Variants in ALKBH5 observed in about 807,000 individuals in gnomAD.
ALKBH5 encodes RNA demethylase ALKBH5.
In ALKBH5, 2 loss-of-function variants were observed where a neutral mutation model predicts 32.1. That is an observed-to-expected ratio of 0.06 (90% CI 0.03 to 0.20). The LOEUF (loss-of-function observed/expected upper bound fraction) is 0.20. Among genes scored for constraint, ALKBH5 ranks in the 10% least tolerant of loss-of-function variants. ALKBH5 has a pLI of 1.00. For synonymous variants in ALKBH5, 300 were observed against 231.7 expected (o/e 1.29, Z -2.68); for missense variants, 352 against 559.5 (o/e 0.63, Z 3.74).
chr17:18,200,333 G>C (rs536634053), intron 2 of ALKBH5, among the ~76,000 whole-genome samples: 1 of 151,994 alleles, frequency 6.6e-6, no homozygotes, highest in African/African-American at 2.4e-5. Context: ...ATGGGTCTTC[G>C]GGGCCTTGAG....
chr17:18,184,626 C>T lies in ALKBH5; in HGVS notation c.383C>T (p.Pro128Leu). 6.2e-7 allele frequency: 1 copy of T among 1,613,236 alleles called. No individual in the cohort carries two copies. The highest frequency in any genetic ancestry group is 8.5e-7 in the Non-Finnish European group (1 of 1,179,996). ...AACGAGCACACGGTGGACCGGGCCC[C>T]ACTGCGCAACAAGTACTTCTTCGGC... ...LYNEHTVDRA[P>L]LRNKYFFGEG... The change falls in exon 1 of 4, where the codon CCA becomes CTA. Residue 128 changes from proline to leucine, a missense_variant. Pro to Leu is a moderately conservative substitution (Grantham distance 98). Transcript: ENST00000399138.
intron 2 of ALKBH5, among the ~76,000 whole-genome samples, chr17:18,197,161 A>G (rs1371811750): frequency 2.0e-5 from 3 of 152,224 alleles, no homozygotes; most frequent in African/African-American, 4.8e-5. Context: ...GGACAGTCCT[A>G]TGGTACAGGC....
chr17:18,202,655 CAG>C (rs1409778966), intron 2 of ALKBH5, among the ~76,000 whole-genome samples: 1 of 152,116 alleles, frequency 6.6e-6, no homozygotes, highest in East Asian at 1.9e-4. Context: ...GCCCTCGCTC[CAG>C]AGTCATCGTG....
At chr17:18,199,438 C>G (rs563452182) in intron 2 of ALKBH5, among the ~76,000 whole-genome samples, 2 of 152,314 alleles carry the variant, frequency 1.3e-5, no homozygotes, top group South Asian at 4.1e-4. Context: ...CCATGATTCC[C>G]TAGTGCTCCT....
chr17:18,199,842 A>G (rs1281843894), intron 2 of ALKBH5, among the ~76,000 whole-genome samples: 1 of 152,128 alleles, frequency 6.6e-6, no homozygotes, highest in African/African-American at 2.4e-5. Context: ...GTGGTGGCTC[A>G]CACCTGTAAT....
chr17:18,191,599 A>G (rs2047175355), intron 1 of ALKBH5, among the ~76,000 whole-genome samples: 1 of 152,184 alleles, frequency 6.6e-6, no homozygotes, highest in African/African-American at 2.4e-5. Flanking sequence ...CATATAGCCA[A>G]GTCAAACAGA....
chr17:18,186,974 G>A (rs1567673499), intron 1 of ALKBH5, among the ~76,000 whole-genome samples: 3 of 152,104 alleles, frequency 2.0e-5, no homozygotes, highest in Non-Finnish European at 4.4e-5. Context: ...CACAGGGTAG[G>A]TACTTAAATG....
chr17:18,196,800 C>A (rs2047206847), intron 2 of ALKBH5, among the ~76,000 whole-genome samples: 1 of 152,200 alleles, frequency 6.6e-6, no homozygotes, highest in African/African-American at 2.4e-5. Context: ...TTAGCACCAT[C>A]TCCTTGAGGG....
chr17:18,206,688 A>T, intron 2 of ALKBH5, 127 bp from the exon 3 acceptor site: 2 of 1,004,126 alleles, frequency 2.0e-6, no homozygotes, highest in Non-Finnish European at 3.0e-6. Context: ...AGAGTGAGGT[A>T]CAGAGCAGAG....
At chr17:18,204,211 G>A (rs11655731) in intron 2 of ALKBH5, among the ~76,000 whole-genome samples, 3 of 152,118 alleles carry the variant, frequency 2.0e-5, no homozygotes, top group African/African-American at 7.2e-5. Flanking sequence ...CAGCACTTTG[G>A]GAAGCCAGGA....
Position 18,184,783 on chromosome 17 carries a change from C to A in ALKBH5, c.540C>A (p.Arg180=). The A allele has an allele frequency of 1.9e-6, 3 of 1,613,968 alleles. No homozygotes were observed. Among genetic ancestry groups the A allele is most frequent in the Non-Finnish European group, 2.5e-6 (3 of 1,179,974 alleles). ...QLVIQKLVEH[R]VIPEGFVNSA... ...TGATCCAAAAGCTGGTGGAGCACCG[C>A]GTCATCCCCGAGGGCTTCGTCAACA... The change falls in exon 1 of 4, where the codon CGC becomes CGA. Residue 180 remains arginine (R), a synonymous_variant. Transcript: ENST00000399138.
At chr17:18,201,781 AGATAG>A (rs1454638891) in intron 2 of ALKBH5, among the ~76,000 whole-genome samples, 5 of 106,048 alleles carry the variant, frequency 4.7e-5, no homozygotes, top group South Asian at 3.3e-4. Context: ...ATAGATAGAT[AGATAG>A]GATAGATAAG....
chr17:18,192,231 G>C (rs1241614894), intron 1 of ALKBH5, among the ~76,000 whole-genome samples: 1 of 152,204 alleles, frequency 6.6e-6, no homozygotes, highest in Non-Finnish European at 1.5e-5. Context: ...ACTTTTGTCA[G>C]AGTGCTTAGT....
At position 18,208,656 on chromosome 17, in the gene ALKBH5, G is replaced by T. The variant is rs931103262; in HGVS notation, c.*260G>T. ...TCAATAGGGGACAGAGGCTGATGCT[G>T]GAGTGGCCAGTAGAGGTGGTGGAGC... On this transcript the variant is annotated 3_prime_UTR_variant, in exon 4 of 4. Coordinates refer to ENST00000399138, the MANE Select transcript of ALKBH5 (RefSeq NM_017758.4). 5.1e-6 allele frequency: 3 copies of T among 590,594 alleles called. No homozygotes were observed. The African/African-American group carries it at 5.6e-5, about 11-fold the overall frequency. The allele number at this position is 590,594 out of a possible 1,614,324, so 36.6% of individuals were successfully genotyped here. A position where few individuals can be genotyped will look rare whatever the true frequency, so the allele number is the denominator to read the frequency against.
chr17:18,187,719 C>T (rs768719955), intron 1 of ALKBH5, among the ~76,000 whole-genome samples: 2 of 152,134 alleles, frequency 1.3e-5, no homozygotes, highest in African/African-American at 2.4e-5. Flanking sequence ...TCAAATCCTG[C>T]ATATAAACTG....
At chr17:18,197,094 AAGTCAAAACTTTT>A (rs1254611455) in intron 2 of ALKBH5, among the ~76,000 whole-genome samples, 3 of 152,190 alleles carry the variant, frequency 2.0e-5, no homozygotes, top group Non-Finnish European at 4.4e-5. Context: ...CCACTTTGCC[AAGTCAAAACTTTT>A]AGTCTGTTTT....
At chr17:18,194,377 C>T (rs549953328) in intron 1 of ALKBH5, among the ~76,000 whole-genome samples, 3 of 152,238 alleles carry the variant, frequency 2.0e-5, no homozygotes, top group Non-Finnish European at 4.4e-5. Context: ...TGGTCTCGAA[C>T]TCCTGATTTC....
chr17:18,187,479 C>G (rs546833850), intron 1 of ALKBH5, among the ~76,000 whole-genome samples: 1 of 152,266 alleles, frequency 6.6e-6, no homozygotes, highest in Admixed American at 6.5e-5. Flanking sequence ...GTAGACTGTT[C>G]AGCAGCATTC....
rs1270505304 is a variant in ALKBH5 at position 18,208,380 on chromosome 17, A to G, written c.1169A>G (p.Lys390Arg). The change falls in exon 4 of 4, where the codon AAG (lysine) becomes AGG (arginine). Residue 390 changes from lysine (K) to arginine (R), a missense_variant. Physicochemically the swap from Lys to Arg is conservative, Grantham distance 26. Coordinates refer to ENST00000399138, the MANE Select transcript of ALKBH5 (RefSeq NM_017758.4). ...GCAGGCAGCCCTGCCCGAAAGGTGA[A>G]GATGCGGCGGCACTGAGTCTACCCG... ...EAAGSPARKVKMRRH is the reference protein window; with the variant it reads ...EAAGSPARKVRMRRH 6.2e-7 allele frequency: 1 copy of G among 1,613,200 alleles called. No individual in the cohort carries two copies. The highest frequency in any genetic ancestry group is 1.1e-5 in the South Asian group (1 of 91,072).
Sources: gnomAD v4.1 joint callset for allele counts (sites outside exome capture counted in the v4.1 genomes callset) on GRCh38, gnomAD v4.1.1 for gene constraint, MANE v1.5 for transcripts, NCBI Gene and HGNC (gene_info 2026-07-23, HGNC 2026-07-21) for gene names.